Variants in ZNF385D observed in about 807,000 individuals in gnomAD.
ZNF385D encodes the protein zinc finger protein 659.
A neutral mutation model predicts 35.8 loss-of-function variants in ZNF385D; 15 were observed. The observed-to-expected ratio is 0.42, with a 90% CI of 0.28 to 0.64. The LOEUF is 0.64. Ranked by LOEUF, ZNF385D falls within the 30% of genes least tolerant of loss-of-function variation. The pLI, the probability that ZNF385D is intolerant of heterozygous loss-of-function variation, is 0.23. For missense variants in ZNF385D, 474 were observed against 494.6 expected, an observed-to-expected ratio of 0.96 and a Z score of 0.39; for synonymous variants, 212 against 186.8, an observed-to-expected ratio of 1.13 and a Z score of -1.10.
At chr3:22,368,525 C>A (rs746278868) in intron 2 of ZNF385D, among the ~76,000 whole-genome samples, 5 of 152,126 alleles carry the variant, frequency 3.3e-5, no homozygotes, top group African/African-American at 4.8e-5. Flanking sequence ...GGTAGCTAAA[C>A]AACAAACATT....
At chr3:22,150,124 G>A (rs1039847033) in intron 3 of ZNF385D, among the ~76,000 whole-genome samples, 25 of 152,038 alleles carry the variant, frequency 1.6e-4, no homozygotes, top group Non-Finnish European at 3.2e-4. Context: ...AAATAAACAA[G>A]GCAAATAAGA....
intron 3 of ZNF385D, among the ~76,000 whole-genome samples, chr3:21,876,958 C>G (rs529133948): frequency 3.8e-4 from 58 of 152,154 alleles, no homozygotes; most frequent in African/African-American, 1.4e-3. Flanking sequence ...CACACTTTTC[C>G]CATTCCAAGG....
At chr3:22,336,361 ACTAAAAAG>A (rs1695160694) in intron 2 of ZNF385D, among the ~76,000 whole-genome samples, 1 of 152,158 alleles carries the variant, frequency 6.6e-6, no homozygotes, top group Admixed American at 6.5e-5. Flanking sequence ...ATTTGTTCAA[ACTAAAAAG>A]CTATTCAACT....
At chr3:21,847,348 G>C (rs1575767906) in intron 3 of ZNF385D, among the ~76,000 whole-genome samples, 2 of 152,016 alleles carry the variant, frequency 1.3e-5, no homozygotes, top group African/African-American at 4.8e-5. Context: ...TGACAAAAAA[G>C]AGGCACTGAT....
intron 3 of ZNF385D, among the ~76,000 whole-genome samples, chr3:21,813,441 C>A (rs115364451): frequency 6.6e-6 from 1 of 151,992 alleles, no homozygotes; most frequent in Non-Finnish European, 1.5e-5. Context: ...CGCAAAGAAG[C>A]GAAAAACCTT....
intron 2 of ZNF385D, among the ~76,000 whole-genome samples, chr3:22,315,251 A>G (rs553655040): frequency 6.6e-6 from 1 of 152,344 alleles, no homozygotes; most frequent in South Asian, 2.1e-4. Flanking sequence ...AAGACAAGTC[A>G]GACTAGGTGA....
At chr3:21,797,272 A>G (rs1345444336) in intron 3 of ZNF385D, among the ~76,000 whole-genome samples, 1 of 152,204 alleles carries the variant, frequency 6.6e-6, no homozygotes. Context: ...TGCAAGTTAA[A>G]ACAATTGTGA....
chr3:22,366,407 A>G (rs572086289), intron 2 of ZNF385D, among the ~76,000 whole-genome samples: 34 of 152,260 alleles, frequency 2.2e-4, no homozygotes, highest in African/African-American at 7.5e-4. Flanking sequence ...CACTCATACA[A>G]TATTTATTGA....
intron 3 of ZNF385D, among the ~76,000 whole-genome samples, chr3:21,990,199 A>G (rs1038276640): frequency 6.6e-6 from 1 of 152,226 alleles, no homozygotes; most frequent in East Asian, 1.9e-4. Context: ...CTCTAAGCTA[A>G]AATTCCAGAT....
intron 2 of ZNF385D, among the ~76,000 whole-genome samples, chr3:22,317,174 G>A (rs1703935332): frequency 6.7e-6 from 1 of 149,952 alleles, no homozygotes; most frequent in Non-Finnish European, 1.5e-5. Context: ...CTACTCAGGA[G>A]GCTGGGGCAG....
chr3:22,039,173 A>C (rs1698513340), intron 3 of ZNF385D, among the ~76,000 whole-genome samples: 4 of 148,788 alleles, frequency 2.7e-5, no homozygotes, highest in Middle Eastern at 3.6e-3. Flanking sequence ...AAGGATGTCC[A>C]TTTGACTGAT....
chr3:21,813,247 C>G (rs1475174483), intron 3 of ZNF385D, among the ~76,000 whole-genome samples: 1 of 152,140 alleles, frequency 6.6e-6, no homozygotes, highest in African/African-American at 2.4e-5. Flanking sequence ...TGGGGAGAAA[C>G]CAGCACAGAA....
rs368260112 is a variant in ZNF385D, at chr3:21,697,070, G to C, written c.23-32042C>G. ...TAGGTTAAGTACTTGTTCTCTAAGA[G>C]CAGCCTGCCTAGGTAGAAATCCATT... On this transcript the variant is annotated intron_variant, in intron 1 of 7. Transcript: ENST00000281523. 5.9e-5 allele frequency among the ~76,000 whole-genome samples: 9 copies of C among 152,280 alleles called. 1 individual carries two copies. In the South Asian group the frequency reaches 1.9e-3, roughly 32 times the overall value.
At chr3:21,981,803 C>G (rs1020744359) in intron 3 of ZNF385D, among the ~76,000 whole-genome samples, 1 of 152,130 alleles carries the variant, frequency 6.6e-6, no homozygotes, top group African/African-American at 2.4e-5. Context: ...TTCCCAGCAC[C>G]ATTTATTGAA....
At chr3:21,576,801 A>C (rs1014646028) in intron 2 of ZNF385D, among the ~76,000 whole-genome samples, 3 of 152,226 alleles carry the variant, frequency 2.0e-5, no homozygotes, top group Non-Finnish European at 4.4e-5. Flanking sequence ...GAAAGGGAAG[A>C]AAGTGATTTT....
chr3:21,562,063 G>GGCA (rs56810266), intron 3 of ZNF385D: 2 of 151,398 alleles, frequency 1.3e-5, no homozygotes, highest in East Asian at 2.0e-4. Context: ...CAAATACCTT[G>GGCA]GCCATGTTCC....
At chr3:22,075,798 C>A (rs1344465830) in intron 3 of ZNF385D, among the ~76,000 whole-genome samples, 8 of 151,932 alleles carry the variant, frequency 5.3e-5, no homozygotes, top group Non-Finnish European at 1.0e-4. Context: ...ATTTCCTATT[C>A]TCCTTTGCAA....
At chr3:21,946,396 G>A (rs536616340) in intron 3 of ZNF385D, among the ~76,000 whole-genome samples, 1 of 152,240 alleles carries the variant, frequency 6.6e-6, no homozygotes, top group Admixed American at 6.5e-5. Context: ...CCATTAGTTT[G>A]TAGGCATTGC....
chr3:22,312,658 T>A (rs1236434070), intron 2 of ZNF385D, among the ~76,000 whole-genome samples: 2 of 152,072 alleles, frequency 1.3e-5, no homozygotes, highest in African/African-American at 4.8e-5. Flanking sequence ...AAAGTGCTCA[T>A]TATCACTGGC....
Sources: allele counts gnomAD v4.1 joint callset (sites outside exome capture counted in the v4.1 genomes callset), GRCh38; gene constraint gnomAD v4.1.1; transcripts MANE v1.5; gene names NCBI Gene and HGNC (gene_info 2026-07-23, HGNC 2026-07-21).